ROBO2: variants seen among roughly 807,000 people sequenced by gnomAD.
ROBO2 encodes the protein roundabout guidance receptor 2.
In ROBO2, 53 loss-of-function variants were observed where a neutral mutation model predicts 160.8. The ratio of observed to expected loss-of-function variants is 0.33; its 90% CI spans 0.26 to 0.41. The LOEUF is 0.41. Among genes scored for constraint, ROBO2 ranks in the 10% least tolerant of loss-of-function variants. The pLI, the probability that ROBO2 is intolerant of heterozygous loss-of-function variation, is 1.00. For synonymous variants in ROBO2, 664 were observed against 611.7 expected, an observed-to-expected ratio of 1.09 and a Z score of -1.26; for missense variants, 1,577 against 1,722.4, an observed-to-expected ratio of 0.92 and a Z score of 1.49.
intron 23 of ROBO2, 53 bp downstream of exon 24, chr3:77,622,485 C>A: frequency 1.4e-6 from 2 of 1,442,676 alleles, no homozygotes; most frequent in Non-Finnish European, 9.7e-7. Context: ...CATTAAAATG[C>A]ATCAAAAGTC....
At chr3:76,322,487 C>T (rs1352735890) in intron 2 of ROBO2, among the ~76,000 whole-genome samples, 1 of 144,960 alleles carries the variant, frequency 6.9e-6, no homozygotes, top group Non-Finnish European at 1.6e-5. Context: ...TTAAGATTTA[C>T]TGTTATAATT....
At chr3:76,060,710 A>G (rs2068044796) in intron 2 of ROBO2, among the ~76,000 whole-genome samples, 1 of 152,218 alleles carries the variant, frequency 6.6e-6, no homozygotes, top group Non-Finnish European at 1.5e-5. Context: ...GTGTCACACC[A>G]ATGTTACAAC....
intron 2 of ROBO2, among the ~76,000 whole-genome samples, chr3:76,832,197 T>G (rs1442907308): frequency 6.6e-6 from 1 of 152,212 alleles, no homozygotes; most frequent in Non-Finnish European, 1.5e-5. Context: ...TTAATTAAAG[T>G]GCTTCCATGC....
intron 2 of ROBO2, among the ~76,000 whole-genome samples, chr3:76,455,106 C>CA (rs1228663927): frequency 6.6e-6 from 1 of 152,084 alleles, no homozygotes; most frequent in Non-Finnish European, 1.5e-5. Flanking sequence ...CAGTGTTTCA[C>CA]AAATTTATTT....
At chr3:77,093,061 C>T (rs954617098) in intron 1 of ROBO2, among the ~76,000 whole-genome samples, 1 of 151,704 alleles carries the variant, frequency 6.6e-6, no homozygotes, top group Admixed American at 6.6e-5. Flanking sequence ...CTTCTCTTCC[C>T]TCTCCCCCTC....
In ROBO2 at chr3:76,184,364, A is replaced by G. The variant is rs1353217471; in HGVS notation, c.109+246762A>G. On this transcript the variant is annotated intron_variant, in intron 2 of 26. Coordinates refer to the ROBO2 transcript ENST00000487694. ...CAAAAAGAGAAGACAGAAGTATGCA[A>G]TGGCCCTTGAGGTCTAGACCCATGA... Among the ~76,000 whole-genome samples, 8 of 152,100 alleles carry G rather than the reference A, an allele frequency of 5.3e-5. No homozygotes were observed. In the East Asian group the frequency reaches 1.5e-3, roughly 29 times the overall value.
intron 2 of ROBO2, among the ~76,000 whole-genome samples, chr3:77,209,880 G>T (rs189786064): frequency 1.3e-5 from 2 of 152,210 alleles, no homozygotes; most frequent in East Asian, 3.9e-4. Context: ...GTGGGGTCTG[G>T]ACAGAGATTT....
intron 2 of ROBO2, among the ~76,000 whole-genome samples, chr3:77,286,148 C>G (rs1377618003): frequency 6.6e-6 from 1 of 151,714 alleles, no homozygotes; most frequent in Non-Finnish European, 1.5e-5. Context: ...ACCTTATACT[C>G]TATTTCCATA....
intron 2 of ROBO2, among the ~76,000 whole-genome samples, chr3:76,651,349 T>G (rs1434215462): frequency 1.3e-5 from 2 of 152,156 alleles, no homozygotes; most frequent in Non-Finnish European, 2.9e-5. Flanking sequence ...TGAGGTATTC[T>G]AAGCTTGGCC....
chr3:77,290,177 AC>A (rs2061021457), intron 2 of ROBO2, among the ~76,000 whole-genome samples: 1 of 140,908 alleles, frequency 7.1e-6, no homozygotes, highest in South Asian at 2.3e-4. Context: ...CACCCAAGAC[AC>A]AAAGTAAAAT....
intron 1 of ROBO2, among the ~76,000 whole-genome samples, chr3:77,044,593 A>T (rs1000370958): frequency 3.9e-5 from 6 of 152,052 alleles, no homozygotes; most frequent in African/African-American, 1.4e-4. Context: ...AAACACTTGA[A>T]GAGTGAAGAA....
At chr3:77,332,056 T>G (rs567581545) in intron 2 of ROBO2, among the ~76,000 whole-genome samples, 16 of 152,258 alleles carry the variant, frequency 1.1e-4, no homozygotes, top group Admixed American at 6.5e-4. Context: ...ACTGTTGATA[T>G]CCTTTGTAGT....
chr3:76,852,610 G>A (rs1266837109), intron 2 of ROBO2, among the ~76,000 whole-genome samples: 1 of 152,124 alleles, frequency 6.6e-6, no homozygotes, highest in Non-Finnish European at 1.5e-5. Context: ...TATTTTAAGA[G>A]AGAGAAAATT....
intron 2 of ROBO2, among the ~76,000 whole-genome samples, chr3:77,165,575 A>G (rs997279264): frequency 3.3e-5 from 5 of 151,972 alleles, no homozygotes; most frequent in Admixed American, 3.3e-4. Context: ...ATAAATTAAA[A>G]AAAAAATCAG....
intron 2 of ROBO2, among the ~76,000 whole-genome samples, chr3:76,282,503 G>A (rs1000050678): frequency 2.6e-5 from 4 of 151,948 alleles, no homozygotes; most frequent in Non-Finnish European, 5.9e-5. Context: ...TAGTCATTAT[G>A]AATGCATAAT....
At chr3:75,913,317 T>C (rs1239447937) in intron 1 of ROBO2, among the ~76,000 whole-genome samples, 1 of 152,172 alleles carries the variant, frequency 6.6e-6, no homozygotes, top group Non-Finnish European at 1.5e-5. Context: ...CTTAATCATA[T>C]CTACAAGTCC....
At chr3:76,522,618 T>G (rs1373861162) in intron 2 of ROBO2, among the ~76,000 whole-genome samples, 1 of 152,142 alleles carries the variant, frequency 6.6e-6, no homozygotes, top group Non-Finnish European at 1.5e-5. Context: ...AAGGAAACTA[T>G]GAGTTCAGAC....
At chr3:76,961,305 G>T (rs1577863124) in intron 2 of ROBO2, among the ~76,000 whole-genome samples, 1 of 133,770 alleles carries the variant, frequency 7.5e-6, no homozygotes, top group South Asian at 2.4e-4. Context: ...AAAGGAAAAT[G>T]TAAAAAAAAA....
At chr3:76,368,313 A>G (rs555888919) in intron 2 of ROBO2, among the ~76,000 whole-genome samples, 1 of 152,076 alleles carries the variant, frequency 6.6e-6, no homozygotes, top group South Asian at 2.1e-4. Context: ...CCAACAAATT[A>G]CCCCAAAACT....
Sources: gnomAD v4.1 joint callset for allele counts (sites outside exome capture counted in the v4.1 genomes callset) on GRCh38, gnomAD v4.1.1 for gene constraint, MANE v1.5 for transcripts, NCBI Gene and HGNC (gene_info 2026-07-23, HGNC 2026-07-21) for gene names.